ADD2: variants seen among roughly 807,000 people sequenced by gnomAD.
ADD2 encodes beta-adducin.
A neutral mutation model predicts 83.0 loss-of-function variants in ADD2; 23 were observed. The observed-to-expected ratio is 0.28, with a 90% CI of 0.20 to 0.39. ADD2 has a LOEUF of 0.39. ADD2 is among the 10% of genes least tolerant of loss of function. The pLI, the probability that ADD2 is intolerant of heterozygous loss-of-function variation, is 1.00. For synonymous variants in ADD2, 375 were observed against 375.4 expected (o/e 1.00, Z 0.01); for missense variants, 758 against 944.9 (o/e 0.80, Z 2.59).
At chr2:70,679,954 ATTAATT>A (rs1670373694) in intron 10 of ADD2, among the ~76,000 whole-genome samples, 1 of 152,200 alleles carries the variant, frequency 6.6e-6, no homozygotes, top group Non-Finnish European at 1.5e-5. Flanking sequence ...AATTAAGAAT[ATTAATT>A]TTTTCACTAT....
At chr2:70,686,633 T>G (rs1359233648) in intron 9 of ADD2, among the ~76,000 whole-genome samples, 3 of 152,170 alleles carry the variant, frequency 2.0e-5, no homozygotes, top group Admixed American at 6.5e-5. Flanking sequence ...AGGGAGCTCT[T>G]AAGAGTTCAG....
chr2:70,717,862 C>T (rs1052665573), intron 1 of ADD2: 4 of 152,230 alleles, frequency 2.6e-5, no homozygotes, highest in African/African-American at 9.6e-5. Flanking sequence ...AGCTTATCAT[C>T]ATTTTTTCAA....
At chr2:70,677,713 C>A (rs782205659) in intron 12 of ADD2, 45 bp downstream of exon 12, 4 of 1,602,200 alleles carry the variant, frequency 2.5e-6, no homozygotes, top group Non-Finnish European at 3.4e-6. Flanking sequence ...CCTGAGACCC[C>A]CCAGTGTGGG....
rs1220752466 is a variant in ADD2, at chr2:70,706,643, G to A, written c.-34-201C>T. On this transcript the variant is annotated intron_variant, in intron 2 of 15. Transcript: ENST00000264436. The surrounding 1 kb of genome is among the most constrained non-coding windows in gnomAD (Gnocchi z 5.0). ...ATCTATAGGGGCGCTGCTGTGCCAT[G>A]AGACTAAGTAAAAACATGGGTTCAG... 1.3e-5 allele frequency among the ~76,000 whole-genome samples: 2 copies of A among 152,176 alleles called. No individual in the cohort carries two copies. Among genetic ancestry groups the A allele is most frequent in the African/African-American group, 4.8e-5 (2 of 41,430 alleles).
chr2:70,674,569 T>C (rs1670040857), intron 14 of ADD2, 109 bp downstream of exon 14: 2 of 1,225,956 alleles, frequency 1.6e-6, no homozygotes, highest in African/African-American at 1.5e-5. Flanking sequence ...GGAACTACAG[T>C]AGAAATATTC....
intron 1 of ADD2, among the ~76,000 whole-genome samples, chr2:70,766,162 G>A (rs1675369317): frequency 6.6e-6 from 1 of 152,172 alleles, no homozygotes; most frequent in Non-Finnish European, 1.5e-5. Context: ...GCAATTTGGT[G>A]GACAAGAAAG....
intron 1 of ADD2, among the ~76,000 whole-genome samples, chr2:70,725,576 C>T (rs1672948223): frequency 6.6e-6 from 1 of 152,108 alleles, no homozygotes; most frequent in Admixed American, 6.5e-5. Context: ...TTATAAGACA[C>T]AGACACACAG....
chr2:70,669,704 A>C (rs1344182621), intron 15 of ADD2, among the ~76,000 whole-genome samples: 1 of 152,272 alleles, frequency 6.6e-6, no homozygotes, highest in Non-Finnish European at 1.5e-5. Flanking sequence ...AAGATCCACA[A>C]AGCAGGCCTC....
intron 1 of ADD2, among the ~76,000 whole-genome samples, chr2:70,724,905 AG>A (rs1236060727): frequency 4.6e-5 from 7 of 152,214 alleles, no homozygotes; most frequent in Non-Finnish European, 8.8e-5. Flanking sequence ...TTTGCACCCA[AG>A]CCTCTCCAGA....
At chr2:70,690,284 A>G (rs569784085) in intron 8 of ADD2, among the ~76,000 whole-genome samples, 2 of 152,204 alleles carry the variant, frequency 1.3e-5, no homozygotes, top group Non-Finnish European at 2.9e-5. Context: ...TTTTGTAGAG[A>G]CAGGGTTTGG....
chr2:70,734,403 GC>G (rs1256284889), intron 1 of ADD2, among the ~76,000 whole-genome samples: 2 of 151,954 alleles, frequency 1.3e-5, no homozygotes, highest in Admixed American at 1.3e-4. Context: ...GACAAAGGTA[GC>G]CCACTGGCAT....
intron 2 of ADD2, among the ~76,000 whole-genome samples, chr2:70,709,099 G>T (rs1233601305): frequency 6.6e-6 from 1 of 152,064 alleles, no homozygotes; most frequent in Non-Finnish European, 1.5e-5. Flanking sequence ...CTTTTAACAG[G>T]CAGTGGGAGT....
At chr2:70,765,598 A>C (rs960155321) in intron 1 of ADD2, among the ~76,000 whole-genome samples, 2 of 152,266 alleles carry the variant, frequency 1.3e-5, no homozygotes, top group East Asian at 1.9e-4. Flanking sequence ...CCTGGCACGT[A>C]GTAAGTCCTC....
At chr2:70,741,901 C>A (rs1049830917) in intron 1 of ADD2, among the ~76,000 whole-genome samples, 1 of 151,274 alleles carries the variant, frequency 6.6e-6, no homozygotes, top group African/African-American at 2.4e-5. Context: ...ACACATCCCA[C>A]CCAGCTGTGG....
intron 1 of ADD2, among the ~76,000 whole-genome samples, chr2:70,742,838 C>T (rs1574312873): frequency 6.6e-6 from 1 of 152,078 alleles, no homozygotes; most frequent in East Asian, 1.9e-4. Context: ...AATGAGGTCC[C>T]TGGCTATACT....
At chr2:70,679,714 A>C (rs1409831972) in intron 10 of ADD2, among the ~76,000 whole-genome samples, 1 of 152,230 alleles carries the variant, frequency 6.6e-6, no homozygotes, top group African/African-American at 2.4e-5. Context: ...AATAAGGAAA[A>C]AACGGAATTT....
At chr2:70,727,893 C>CAATAAATAAATA (rs60082478) in intron 1 of ADD2, among the ~76,000 whole-genome samples, 6 of 140,394 alleles carry the variant, frequency 4.3e-5, no homozygotes, top group Admixed American at 1.4e-4. Context: ...GAGACTCTGT[C>CAATAAATAAATA]AATAAATAAA....
intron 5 of ADD2, 63 bp downstream of exon 5, chr2:70,696,182 C>T: frequency 6.4e-7 from 1 of 1,568,072 alleles, no homozygotes; most frequent in Non-Finnish European, 8.7e-7. Context: ...GTCAGGAGTT[C>T]TCCCTTTGGG....
intron 8 of ADD2, among the ~76,000 whole-genome samples, chr2:70,689,071 C>T (rs561403267): frequency 1.1e-4 from 17 of 151,752 alleles, no homozygotes; most frequent in African/African-American, 3.9e-4. Flanking sequence ...GTACCCCAGT[C>T]GGTGACAGAG....
Sources: allele counts gnomAD v4.1 joint callset (sites outside exome capture counted in the v4.1 genomes callset), GRCh38; gene constraint gnomAD v4.1.1; non-coding constraint Gnocchi (gnomAD v3.1); transcripts MANE v1.5; gene names NCBI Gene and HGNC (gene_info 2026-07-23, HGNC 2026-07-21).